PITPNB: variants seen among roughly 807,000 people sequenced by gnomAD.
PITPNB encodes the protein phosphatidylinositol transfer protein beta, also known as phosphatidylinositol transfer protein beta isoform.
A neutral mutation model predicts 45.9 loss-of-function variants in PITPNB; 16 were observed. The ratio of observed to expected loss-of-function variants is 0.35; its 90% CI spans 0.24 to 0.53. The LOEUF (loss-of-function observed/expected upper bound fraction) is 0.53. Ranked by LOEUF, PITPNB falls within the 20% of genes least tolerant of loss-of-function variation. The probability of loss-of-function intolerance (pLI) is 0.93; values close to 1 mark genes in which losing one functional copy is unlikely to be tolerated. For synonymous variants in PITPNB, 112 were observed against 108.9 expected, an observed-to-expected ratio of 1.03 and a Z score of -0.18; for missense variants, 188 against 330.5, an observed-to-expected ratio of 0.57 and a Z score of 3.34.
intron 7 of PITPNB, among the ~76,000 whole-genome samples, chr22:27,886,700 G>T (rs923092718): frequency 3.3e-5 from 5 of 152,166 alleles, no homozygotes; most frequent in African/African-American, 1.2e-4. Flanking sequence ...GGCTGCATTT[G>T]TATTACATTC....
chr22:27,919,010 T>A, intron 1 of PITPNB, 162 bp downstream of exon 1: 1 of 1,021,284 alleles, frequency 9.8e-7, no homozygotes, highest in Admixed American at 1.8e-5. Flanking sequence ...AGGGGCGCAC[T>A]CGCTGAGGGG....
At chr22:27,886,583 C>G (rs1210494005) in intron 7 of PITPNB, among the ~76,000 whole-genome samples, 1 of 152,198 alleles carries the variant, frequency 6.6e-6, no homozygotes, top group Non-Finnish European at 1.5e-5. Context: ...ATAAACACTA[C>G]CAAAGACAGC....
At chr22:27,906,178 T>C (rs891057592) in intron 3 of PITPNB, among the ~76,000 whole-genome samples, 1 of 152,134 alleles carries the variant, frequency 6.6e-6, no homozygotes, top group African/African-American at 2.4e-5. Flanking sequence ...AAGCAGGTTA[T>C]GAGAGGCCCC....
intron 8 of PITPNB, among the ~76,000 whole-genome samples, chr22:27,861,184 T>C (rs1287032001): frequency 6.6e-6 from 1 of 151,796 alleles, no homozygotes; most frequent in African/African-American, 2.4e-5. Flanking sequence ...ATTACAAAAA[T>C]TTGCTGGGGG....
chr22:27,905,812 G>C (rs1280447758), intron 3 of PITPNB, among the ~76,000 whole-genome samples: 1 of 152,162 alleles, frequency 6.6e-6, no homozygotes, highest in Admixed American at 6.5e-5. Context: ...AAATAAACTA[G>C]CAAAAAGGAC....
intron 7 of PITPNB, 134 bp from the exon 8 acceptor site, chr22:27,873,949 T>A (rs767283251): frequency 4.8e-6 from 3 of 620,496 alleles, no homozygotes; most frequent in African/African-American, 3.7e-5. Flanking sequence ...TGCGTAAAAG[T>A]AGAAAAATGC....
Position 27,887,658 on chromosome 22 carries a change from G to A in PITPNB, c.456+6897C>T, listed in dbSNP as rs114973614. Among the ~76,000 whole-genome samples, 879 of 151,694 alleles carry A rather than the reference G, an allele frequency of 5.8e-3. 9 individuals are homozygous for A. Among genetic ancestry groups the A allele is most frequent in the African/African-American group, 0.021 (853 of 41,312 alleles). ...TTACTGGCCTATTCATAGTTACTAA[G>A]CTCTCGATTCTAGTGTCACTCCAAT... On this transcript the variant is annotated intron_variant, in intron 7 of 11. Transcript: ENST00000335272.
At chr22:27,860,745 A>G (rs1934303515) in intron 8 of PITPNB, 1 of 153,206 alleles carries the variant, frequency 6.5e-6, no homozygotes. Context: ...AGCAAAAATA[A>G]TCTGTAATTA....
chr22:27,894,661 A>G, intron 6 of PITPNB, 23 bp from the exon 7 acceptor site: 2 of 1,279,810 alleles, frequency 1.6e-6, no homozygotes, highest in East Asian at 2.3e-5. Context: ...AAGAGAAAAG[A>G]AACAAAACAA....
chr22:27,899,014 C>T (rs1352352658), intron 3 of PITPNB, among the ~76,000 whole-genome samples: 1 of 152,204 alleles, frequency 6.6e-6, no homozygotes, highest in Non-Finnish European at 1.5e-5. Flanking sequence ...TCACACAGAT[C>T]GAATTCAAAT....
At chr22:27,862,087 C>T (rs547630340) in intron 8 of PITPNB, among the ~76,000 whole-genome samples, 10 of 152,290 alleles carry the variant, frequency 6.6e-5, no homozygotes, top group African/African-American at 2.2e-4. Flanking sequence ...GACTTCACCA[C>T]TGATCCAGTG....
rs561982423 is a variant in PITPNB, at chr22:27,866,740, C to CATAACTGT, written c.535-6507_535-6500dup. 5.5e-3 allele frequency among the ~76,000 whole-genome samples: 842 copies of CATAACTGT among 152,266 alleles called. 1 individual carries two copies. The highest frequency in any genetic ancestry group is 8.5e-3 in the Non-Finnish European group (581 of 68,024). ...AAGACACAGCAGTTTCTGTAAGGCT[C>CATAACTGT]ATAACTGTCTTCATATTTTCATTTT... On this transcript the variant is annotated intron_variant, in intron 8 of 11. Coordinates refer to ENST00000335272, the MANE Select transcript of PITPNB (RefSeq NM_012399.5).
intron 7 of PITPNB, among the ~76,000 whole-genome samples, chr22:27,875,447 G>C (rs895583787): frequency 1.3e-5 from 2 of 152,180 alleles, no homozygotes; most frequent in African/African-American, 4.8e-5. Context: ...CTACAATTTT[G>C]AACTGCATCC....
Position 27,910,159 on chromosome 22 carries a change from C to A in PITPNB, c.197+805G>T, listed in dbSNP as rs112882395. Among the ~76,000 whole-genome samples the A allele has an allele frequency of 1.9e-3, 283 of 152,084 alleles. 1 individual carries two copies. Among genetic ancestry groups the A allele is most frequent in the African/African-American group, 6.2e-3 (258 of 41,470 alleles). On this transcript the variant is annotated intron_variant, in intron 3 of 11. Coordinates refer to ENST00000335272, the MANE Select transcript of PITPNB (RefSeq NM_012399.5). ...TAGAGACAGGGTTTCACCATGCTGA[C>A]CAGGGTGGTCTCGATCTCTTGACCT... is the stretch of plus-strand genomic sequence containing the variant.
chr22:27,855,174 G>A (rs1344168787), intron 10 of PITPNB, among the ~76,000 whole-genome samples: 2 of 152,306 alleles, frequency 1.3e-5, no homozygotes, highest in East Asian at 1.9e-4. Flanking sequence ...ACAAAAGCCT[G>A]CAGACTGATA....
At position 27,852,943 on chromosome 22, in the gene PITPNB, C is replaced by G. The variant is rs1934065150; in HGVS notation, c.*759G>C. On this transcript the variant is annotated 3_prime_UTR_variant, in exon 12 of 12. Transcript: ENST00000335272. ...TATTTGAAATTTAAAATACAAAAAT[C>G]CAATAAAAACCAGAAATTTTTTTTA... The G allele has an allele frequency of 6.6e-6, 1 of 152,524 alleles. No individual in the cohort carries two copies. The allele number at this position is 152,524 out of a possible 1,614,324, so 9.4% of individuals were successfully genotyped here. A position where few individuals can be genotyped will look rare whatever the true frequency, so the allele number is the denominator to read the frequency against.
At chr22:27,908,943 T>C (rs889050100) in intron 3 of PITPNB, among the ~76,000 whole-genome samples, 1 of 152,122 alleles carries the variant, frequency 6.6e-6, no homozygotes, top group African/African-American at 2.4e-5. Context: ...AGAGATAAGA[T>C]TATGTGTCAC....
At chr22:27,904,596 G>A in intron 3 of PITPNB, among the ~76,000 whole-genome samples, 1 of 152,150 alleles carries the variant, frequency 6.6e-6, no homozygotes, top group East Asian at 1.9e-4. Context: ...ACTGAAGTGT[G>A]CATTTTAAAA....
rs150460478 is a variant in PITPNB at position 27,904,621 on chromosome 22, G to C, written c.197+6343C>G. ...GCATTTTAAAAGAATGAATTTTATG[G>C]CATATAAATTATATCTCAATTAATT... On this transcript the variant is annotated intron_variant, in intron 3 of 11. Transcript: ENST00000335272. 5.8e-3 allele frequency among the ~76,000 whole-genome samples: 880 copies of C among 152,216 alleles called. 9 individuals are homozygous for C. Among genetic ancestry groups the C allele is most frequent in the African/African-American group, 0.021 (853 of 41,504 alleles).
Sources: gnomAD v4.1 joint callset for allele counts (sites outside exome capture counted in the v4.1 genomes callset) on GRCh38, gnomAD v4.1.1 for gene constraint, MANE v1.5 for transcripts, NCBI Gene and HGNC (gene_info 2026-07-23, HGNC 2026-07-21) for gene names.